Variants in VGLL4 observed in about 807,000 individuals in gnomAD.
The protein encoded by VGLL4 is transcription cofactor vestigial-like protein 4.
In VGLL4, 7 loss-of-function variants were observed where a neutral mutation model predicts 21.0. That is an observed-to-expected ratio of 0.33 (90% CI 0.19 to 0.63). VGLL4 has a LOEUF of 0.63. VGLL4 is among the 20% of genes least tolerant of loss of function. The pLI, the probability that VGLL4 is intolerant of heterozygous loss-of-function variation, is 0.78. For missense variants in VGLL4, 394 were observed against 425.7 expected (o/e 0.93, Z 0.66); for synonymous variants, 222 against 173.2 (o/e 1.28, Z -2.21).
intron 2 of VGLL4, among the ~76,000 whole-genome samples, chr3:11,692,476 G>A (rs1300160865): frequency 6.6e-6 from 1 of 152,144 alleles, no homozygotes; most frequent in Non-Finnish European, 1.5e-5. Flanking sequence ...TGATGTCATT[G>A]TTCACAAAAG....
intron 2 of VGLL4, among the ~76,000 whole-genome samples, chr3:11,680,925 G>A (rs1224644808): frequency 6.6e-6 from 1 of 152,102 alleles, no homozygotes; most frequent in Admixed American, 6.5e-5. Flanking sequence ...CGGAATCCCC[G>A]CCGTGAAGCT....
chr3:11,574,785 A>ATGTATGTGTGTGTG (rs1553723624), intron 2 of VGLL4, among the ~76,000 whole-genome samples: 37 of 121,772 alleles, frequency 3.0e-4, no homozygotes, highest in African/African-American at 1.1e-3. Flanking sequence ...TCAACTATAT[A>ATGTATGTGTGTGTG]TGTGTGTGTG....
intron 3 of VGLL4, among the ~76,000 whole-genome samples, chr3:11,561,891 CTTTT>C (rs35380668): frequency 3.4e-5 from 3 of 88,606 alleles, no homozygotes; most frequent in African/African-American, 4.6e-5. Context: ...CTGCGCCAAA[CTTTT>C]TTTTTTTTTT....
At chr3:11,578,804 C>A (rs1219307059) in intron 2 of VGLL4, among the ~76,000 whole-genome samples, 213 of 126,592 alleles carry the variant, frequency 1.7e-3, no homozygotes, top group Non-Finnish European at 3.4e-4. Context: ...GGCTGGAGTG[C>A]AGTGGCGTGA....
intron 1 of VGLL4, among the ~76,000 whole-genome samples, chr3:11,618,618 CAAAAA>C (rs1559903556): frequency 2.0e-5 from 3 of 152,124 alleles, no homozygotes; most frequent in African/African-American, 7.2e-5. Context: ...GATCCTTATG[CAAAAA>C]TTATACACAA....
chr3:11,565,116 T>C lies in VGLL4; in HGVS notation c.273-97A>G, dbSNP rs138797420. ...ACTCCGTGTTGCTTATTTAATTTTT[T>C]ACCCTGAAGCTCAGGTCGTGTGGCT... is the stretch of plus-strand genomic sequence containing the variant. On this transcript the variant is annotated intron_variant, in intron 2 of 4. Transcript: ENST00000430365. The surrounding 1 kb of genome is among the most constrained non-coding windows in gnomAD (Gnocchi z 4.1). The C allele has an allele frequency of 2.8e-5, 34 of 1,197,104 alleles. No individual in the cohort carries two copies. In the African/African-American group the frequency reaches 4.2e-4, roughly 15 times the overall value. 74.2% of individuals were successfully genotyped at this position (1,197,104 alleles called of 1,614,324 possible).
At chr3:11,644,398 C>T (rs1182856781), upstream of VGLL4, among the ~76,000 whole-genome samples, 2 of 152,014 alleles carry the variant, frequency 1.3e-5, no homozygotes, top group Non-Finnish European at 2.9e-5. Flanking sequence ...TAGCTTCTTC[C>T]ATAATCCCCA....
At chr3:11,593,880 C>T (rs543014680) in intron 2 of VGLL4, among the ~76,000 whole-genome samples, 7 of 152,218 alleles carry the variant, frequency 4.6e-5, no homozygotes, top group Non-Finnish European at 1.0e-4. Flanking sequence ...TTATGGGTTG[C>T]TCAGTGGGTC....
Position 11,565,549 on chromosome 3 carries a change from C to T in VGLL4, c.273-530G>A, listed in dbSNP as rs1012416203. On this transcript the variant is annotated intron_variant, in intron 2 of 4. Coordinates refer to ENST00000430365, the MANE Select transcript of VGLL4 (RefSeq NM_001128219.3). The surrounding 1 kb of genome is among the most constrained non-coding windows in gnomAD (Gnocchi z 4.1). ...ACCATCCCCTTTCCAGACCAGAACC[C>T]CAAGACTCAAGAGTGGTGGAATAAT... Among the ~76,000 whole-genome samples, 19 of 152,158 alleles carry T rather than the reference C, an allele frequency of 1.2e-4. No individual in the cohort carries two copies. The highest frequency in any genetic ancestry group is 7.4e-5 in the Non-Finnish European group (5 of 68,022).
At chr3:11,604,241 C>T (rs6786146) in intron 1 of VGLL4, 368,488 of 395,850 alleles carry the variant, frequency 0.93, 172,487 homozygotes, top group Non-Finnish European at 0.94. Flanking sequence ...CTCAGCTTGC[C>T]GGCGCCGGAA....
At chr3:11,708,680 G>A (rs570218239) in intron 1 of VGLL4, among the ~76,000 whole-genome samples, 1 of 152,178 alleles carries the variant, frequency 6.6e-6, no homozygotes, top group African/African-American at 2.4e-5. Context: ...AAAAAATTAT[G>A]CTGCATCTGA....
Position 11,663,947 on chromosome 3 carries a change from A to T in VGLL4, c.64+39024T>A, listed in dbSNP as rs370255049. Among the ~76,000 whole-genome samples, 5 of 152,284 alleles carry T rather than the reference A, an allele frequency of 3.3e-5. No individual in the cohort carries two copies. The South Asian group carries it at 6.2e-4, about 19-fold the overall frequency. Reference sequence around the variant, plus strand: ...AATTACTGTTGCACCAACCTAATACAATGTAATGTAAAAAGAAATGTAGGC... The same window carrying T: ...AATTACTGTTGCACCAACCTAATACTATGTAATGTAAAAAGAAATGTAGGC... On this transcript the variant is annotated intron_variant, in intron 2 of 5. Transcript: ENST00000273038.
intron 2 of VGLL4, among the ~76,000 whole-genome samples, chr3:11,576,437 A>G (rs1285313974): frequency 2.0e-5 from 3 of 152,262 alleles, no homozygotes; most frequent in African/African-American, 4.8e-5. Context: ...TATTTTTGAC[A>G]TTAAATAGAG....
intron 2 of VGLL4, among the ~76,000 whole-genome samples, chr3:11,677,503 G>A (rs962312656): frequency 6.6e-6 from 1 of 152,026 alleles, no homozygotes; most frequent in Non-Finnish European, 1.5e-5. Flanking sequence ...TCAAACTCCT[G>A]GGCCCAAGTG....
rs34222383 is a variant in VGLL4, at chr3:11,707,327, CAAAAAAAAAAAAA to C, written c.-13-4293_-13-4281del. Among the ~76,000 whole-genome samples the C allele has an allele frequency of 9.9e-3, 428 of 43,106 alleles. 12 individuals carry two copies. The highest frequency in any genetic ancestry group is 0.038 in the African/African-American group (390 of 10,286). 28.3% of individuals were successfully genotyped at this position (43,106 alleles called of 152,430 possible). Reference sequence around the variant, plus strand: ...TGGGCAACAGAGCCAGACCCTGCCTCAAAAAAAAAAAAAAAAAAAAAAAAAGACGAAGAAGTTC... The same window carrying C: ...TGGGCAACAGAGCCAGACCCTGCCTCAAAAAAAAAAAAGACGAAGAAGTTC... On this transcript the variant is annotated intron_variant, in intron 1 of 5. Transcript: ENST00000273038.
At position 11,719,672 on chromosome 3, in the gene VGLL4, C is replaced by CGCCAGGCCA. The variant is rs1424569662; in HGVS notation, c.-14+713_-14+721dup. On this transcript the variant is annotated intron_variant, in intron 1 of 5. Coordinates refer to the VGLL4 transcript ENST00000273038. The surrounding 1 kb of genome is among the most constrained non-coding windows in gnomAD (Gnocchi z 4.0). ...GCACCGGCCAACCTGAGCCGGGCTC[C>CGCCAGGCCA]GCCAGGCCAGCCAGGCCACGCCCTC... 6.6e-6 allele frequency: 1 copy of CGCCAGGCCA among 152,324 alleles called. No homozygotes were observed. Among genetic ancestry groups the CGCCAGGCCA allele is most frequent in the African/African-American group, 2.4e-5 (1 of 41,438 alleles). The allele number at this position is 152,324 out of a possible 1,614,324, so 9.4% of individuals were successfully genotyped here.
chr3:11,675,780 T>C (rs2076280693), intron 2 of VGLL4, among the ~76,000 whole-genome samples: 1 of 152,218 alleles, frequency 6.6e-6, no homozygotes, highest in South Asian at 2.1e-4. Flanking sequence ...AAATACATTA[T>C]ATAAGTTATA....
chr3:11,704,406 GAAAA>G (rs892504421), intron 1 of VGLL4, among the ~76,000 whole-genome samples: 1 of 107,224 alleles, frequency 9.3e-6, no homozygotes, highest in South Asian at 3.2e-4. Flanking sequence ...AAAAAAAAAA[GAAAA>G]AAAGAAAAGA....
At chr3:11,684,672 C>T (rs1212715535) in intron 2 of VGLL4, among the ~76,000 whole-genome samples, 1 of 152,094 alleles carries the variant, frequency 6.6e-6, no homozygotes, top group South Asian at 2.1e-4. Context: ...TGAGCCACCA[C>T]GCCTGGTCCC....
Sources: gnomAD v4.1 joint callset for allele counts (sites outside exome capture counted in the v4.1 genomes callset) on GRCh38, gnomAD v4.1.1 for gene constraint, Gnocchi (gnomAD v3.1) non-coding constraint, MANE v1.5 for transcripts, NCBI Gene and HGNC (gene_info 2026-07-23, HGNC 2026-07-21) for gene names.